MFAP3L: variants seen among roughly 807,000 people sequenced by gnomAD.
MFAP3L encodes the protein microfibrillar-associated protein 3-like.
Under a neutral mutation model 20.0 loss-of-function variants are expected in MFAP3L, and 5 were observed. The ratio of observed to expected loss-of-function variants is 0.25; its 90% CI spans 0.13 to 0.53. MFAP3L has a LOEUF of 0.53. MFAP3L is among the 20% of genes least tolerant of loss of function. The pLI, the probability that MFAP3L is intolerant of heterozygous loss-of-function variation, is 0.96. For missense variants in MFAP3L, 409 were observed against 527.5 expected (o/e 0.78, Z 2.20); for synonymous variants, 219 against 213.0 (o/e 1.03, Z -0.25).
At chr4:170,025,901 C>T (rs1322095296) in intron 1 of MFAP3L, among the ~76,000 whole-genome samples, 4 of 152,178 alleles carry the variant, frequency 2.6e-5, no homozygotes, top group African/African-American at 9.7e-5. Context: ...GGCTGTTCGG[C>T]GTCCCCTTCC....
chr4:170,001,687 C>G (rs1292271838), intron 2 of MFAP3L, among the ~76,000 whole-genome samples: 1 of 152,190 alleles, frequency 6.6e-6, no homozygotes, highest in African/African-American at 2.4e-5. Flanking sequence ...TCACTTCTAG[C>G]AAAAGGAAAA....
chr4:170,023,570 C>T (rs1740168663), intron 1 of MFAP3L, among the ~76,000 whole-genome samples: 4 of 152,176 alleles, frequency 2.6e-5, no homozygotes, highest in Admixed American at 2.6e-4. Flanking sequence ...TTTCTAACCG[C>T]AATGTGATAT....
chr4:170,000,876 C>T (rs1181596512), intron 2 of MFAP3L, among the ~76,000 whole-genome samples: 1 of 152,076 alleles, frequency 6.6e-6, no homozygotes. Flanking sequence ...GTATGTGCCA[C>T]CAAGCCCTGC....
At chr4:170,006,424 C>G (rs888063867) in intron 1 of MFAP3L, among the ~76,000 whole-genome samples, 14 of 152,112 alleles carry the variant, frequency 9.2e-5, no homozygotes, top group Non-Finnish European at 5.9e-5. Flanking sequence ...AACCTACATA[C>G]TTTTTAAACA....
intron 1 of MFAP3L, among the ~76,000 whole-genome samples, chr4:170,015,496 G>A (rs1005962650): frequency 6.6e-5 from 10 of 152,240 alleles, no homozygotes; most frequent in African/African-American, 2.2e-4. Context: ...CACAGACACA[G>A]CTTGTGCGCC....
In MFAP3L at chr4:170,005,415, T is replaced by C. The variant is rs3797045; in HGVS notation, c.298+165A>G. 4.5e-4 allele frequency: 362 copies of C among 798,770 alleles called. 2 individuals are homozygous for C. The East Asian group carries it at 8.8e-3, about 19-fold the overall frequency. 49.5% of individuals were successfully genotyped at this position (798,770 alleles called of 1,614,324 possible). A position where few individuals can be genotyped will look rare whatever the true frequency, so the allele number is the denominator to read the frequency against. Reference sequence around the variant, plus strand: ...CAATGAGGGAAAAAAATGAATTAATTGCTTCTTTGAATCCTTAAGGATATA... The same window carrying C: ...CAATGAGGGAAAAAAATGAATTAATCGCTTCTTTGAATCCTTAAGGATATA... On this transcript the variant is annotated intron_variant, in intron 2 of 2. Coordinates refer to ENST00000361618, the MANE Select transcript of MFAP3L (RefSeq NM_021647.8).
intron 1 of MFAP3L, among the ~76,000 whole-genome samples, chr4:170,022,434 C>T (rs1337443959): frequency 6.6e-6 from 1 of 152,214 alleles, no homozygotes; most frequent in East Asian, 1.9e-4. Flanking sequence ...CTTCACATGA[C>T]ACTGAGCTCA....
chr4:169,988,361 C>T lies in MFAP3L; in HGVS notation c.*3017G>A, dbSNP rs1210737855. ...AGATCATCTAAGTGAATTAAATGTA[C>T]ACACATATGTGAATCATTTTCAGAA... On this transcript the variant is annotated 3_prime_UTR_variant, in exon 3 of 3. Coordinates refer to ENST00000361618, the MANE Select transcript of MFAP3L (RefSeq NM_021647.8). The T allele has an allele frequency of 6.6e-6, 1 of 152,166 alleles. No homozygotes were observed. The highest frequency in any genetic ancestry group is 1.5e-5 in the Non-Finnish European group (1 of 68,040). 9.4% of individuals were successfully genotyped at this position (152,166 alleles called of 1,614,324 possible).
chr4:170,026,395 T>C lies in MFAP3L; in HGVS notation c.-295A>G, dbSNP rs1730421581. 1.6e-6 allele frequency: 1 copy of C among 635,244 alleles called. No homozygotes were observed. 39.4% of individuals were successfully genotyped at this position (635,244 alleles called of 1,614,324 possible). On this transcript the variant is annotated 5_prime_UTR_variant, in exon 1 of 3. Transcript: ENST00000361618. ...CAGCGTTGCGAGCTGCGCCGCCGGCTGCCGGGAGCGCGGAGCTTCCCACCT... is the reference window on the plus strand; with the variant it reads ...CAGCGTTGCGAGCTGCGCCGCCGGCCGCCGGGAGCGCGGAGCTTCCCACCT...
At chr4:170,019,582 A>G (rs1053092803) in intron 1 of MFAP3L, among the ~76,000 whole-genome samples, 3 of 152,158 alleles carry the variant, frequency 2.0e-5, no homozygotes, top group African/African-American at 7.2e-5. Flanking sequence ...TCGAGAACAG[A>G]TGGATCCTAT....
upstream of MFAP3L, chr4:170,026,869 T>TTGCAATCAAA (rs1730478310): frequency 6.6e-6 from 1 of 152,282 alleles, no homozygotes; most frequent in Non-Finnish European, 1.5e-5. Flanking sequence ...CCCTGTCTCC[T>TTGCAATCAAA]TGCAATCAAA....
chr4:170,001,948 A>C, intron 2 of MFAP3L: 1 of 985,472 alleles, frequency 1.0e-6, no homozygotes, highest in South Asian at 4.7e-5. Context: ...GGCTGGCATG[A>C]ATAACAGCTC....
At chr4:170,007,917 C>T (rs1393732272) in intron 1 of MFAP3L, among the ~76,000 whole-genome samples, 2 of 151,876 alleles carry the variant, frequency 1.3e-5, no homozygotes, top group African/African-American at 2.4e-5. Flanking sequence ...TATAACTTTT[C>T]CCCCCAGTTA....
chr4:170,005,310 T>A, intron 2 of MFAP3L: 1 of 501,250 alleles, frequency 2.0e-6, no homozygotes. Flanking sequence ...TTTGTCTCTA[T>A]AATGTATTGG....
intron 1 of MFAP3L, among the ~76,000 whole-genome samples, chr4:170,013,210 AG>A (rs1290434239): frequency 6.6e-6 from 1 of 152,220 alleles, no homozygotes; most frequent in Non-Finnish European, 1.5e-5. Context: ...TAAATTGCCC[AG>A]GGTCATCAAA....
intron 2 of MFAP3L, chr4:169,993,620 T>G (rs1366117469): frequency 6.6e-6 from 1 of 151,924 alleles, no homozygotes; most frequent in Non-Finnish European, 1.5e-5. Flanking sequence ...CAAGGAACTT[T>G]CTTAAGGAAG....
At chr4:169,994,944 T>C (rs191013012) in intron 2 of MFAP3L, 20 of 152,346 alleles carry the variant, frequency 1.3e-4, no homozygotes, top group African/African-American at 3.8e-4. Context: ...GCATATATTA[T>C]AATCCTAAAG....
intron 2 of MFAP3L, among the ~76,000 whole-genome samples, chr4:169,996,349 T>C (rs1455217746): frequency 6.6e-6 from 1 of 152,128 alleles, no homozygotes; most frequent in East Asian, 1.9e-4. Flanking sequence ...ACAAATATCA[T>C]TGAGCAAACT....
upstream of MFAP3L, chr4:170,026,436 G>A: frequency 3.2e-6 from 1 of 308,074 alleles, no homozygotes; most frequent in Non-Finnish European, 4.7e-6. Flanking sequence ...AGCCTGGGCC[G>A]GCCGGGGCCG....
Sources: allele counts gnomAD v4.1 joint callset (sites outside exome capture counted in the v4.1 genomes callset), GRCh38; gene constraint gnomAD v4.1.1; transcripts MANE v1.5; gene names NCBI Gene and HGNC (gene_info 2026-07-23, HGNC 2026-07-21).